Variants in OSTF1 observed in about 807,000 individuals in gnomAD.
OSTF1 encodes osteoclast stimulating factor 1, also known as osteoclast-stimulating factor 1.
Under a neutral mutation model 37.2 loss-of-function variants are expected in OSTF1, and 27 were observed. The ratio of observed to expected loss-of-function variants is 0.73; its 90% CI spans 0.54 to 1.00. The LOEUF is 1.00. Ranked by LOEUF, OSTF1 falls within the 50% of genes least tolerant of loss-of-function variation. The probability of loss-of-function intolerance (pLI) is 0.00; values close to 1 mark genes in which losing one functional copy is unlikely to be tolerated. For synonymous variants in OSTF1, 82 were observed against 89.2 expected (o/e 0.92, Z 0.46); for missense variants, 232 against 253.8 (o/e 0.91, Z 0.58).
chr9:75,124,170 A>G (rs1202123555), intron 2 of OSTF1, among the ~76,000 whole-genome samples: 2 of 152,180 alleles, frequency 1.3e-5, no homozygotes, highest in African/African-American at 4.8e-5. Context: ...GTAGGTGTAT[A>G]TATTCATGGG....
At chr9:75,123,975 G>A (rs891691704) in intron 2 of OSTF1, among the ~76,000 whole-genome samples, 2 of 152,186 alleles carry the variant, frequency 1.3e-5, no homozygotes, top group Non-Finnish European at 2.9e-5. Flanking sequence ...GTGTCGAAGC[G>A]ACTGGCACTT....
chr9:75,145,930 T>G (rs527375211), intron 9 of OSTF1, among the ~76,000 whole-genome samples: 2 of 152,310 alleles, frequency 1.3e-5, no homozygotes, highest in East Asian at 1.9e-4. Context: ...ACCGGTCATA[T>G]GTATAATAAG....
rs150795573 is a variant in OSTF1, at chr9:75,118,703, G to C, written c.81+1153G>C. On this transcript the variant is annotated intron_variant, in intron 2 of 9. Coordinates refer to ENST00000346234, the MANE Select transcript of OSTF1 (RefSeq NM_012383.5). ...GGAAGGCGAAAGGCATGTCTTACAT[G>C]GCAGCAGACAAGAGAGAATGAGAAC... Among the ~76,000 whole-genome samples the C allele has an allele frequency of 3.8e-3, 576 of 152,224 alleles. 21 individuals carry two copies. The highest frequency in any genetic ancestry group is 0.034 in the Admixed American group (523 of 15,288).
At chr9:75,118,218 T>G (rs1378770352) in intron 2 of OSTF1, among the ~76,000 whole-genome samples, 1 of 152,120 alleles carries the variant, frequency 6.6e-6, no homozygotes, top group East Asian at 1.9e-4. Flanking sequence ...AGTGCTGTCT[T>G]CAATAGCATG....
intron 1 of OSTF1, among the ~76,000 whole-genome samples, chr9:75,099,638 G>A (rs917553130): frequency 1.3e-5 from 2 of 152,070 alleles, no homozygotes; most frequent in Non-Finnish European, 2.9e-5. Context: ...GACCAGTCTG[G>A]CCAACATAGT....
intron 1 of OSTF1, among the ~76,000 whole-genome samples, chr9:75,101,417 T>A (rs953814786): frequency 6.6e-6 from 1 of 152,244 alleles, no homozygotes. Flanking sequence ...AGTGAGTAGA[T>A]GATCTTGGAA....
rs1165139844 is a variant in OSTF1, at chr9:75,088,527, G to C, written c.-166G>C. On this transcript the variant is annotated 5_prime_UTR_variant, in exon 1 of 10. Transcript: ENST00000346234. The stretch of plus-strand genomic sequence containing the variant: ...GCGGGGCGGAGCACTCGGCGGAGCC[G>C]CTCTGCCTGCGTCCGCTCTTCCCGC... 4 of 726,924 alleles carry C rather than the reference G, an allele frequency of 5.5e-6. No individual in the cohort carries two copies. The highest frequency in any genetic ancestry group is 2.4e-5 in the Admixed American group (1 of 41,670). 45.0% of individuals were successfully genotyped at this position (726,924 alleles called of 1,614,324 possible).
At chr9:75,103,206 T>G (rs1364371742) in intron 1 of OSTF1, among the ~76,000 whole-genome samples, 3 of 152,126 alleles carry the variant, frequency 2.0e-5, no homozygotes, top group Non-Finnish European at 4.4e-5. Context: ...GGCAGGAGGT[T>G]TAGGAGTTCA....
rs554920091 is a variant in OSTF1 at position 75,137,676 on chromosome 9, C to T, written c.487+60C>T. The T allele has an allele frequency of 1.5e-5, 15 of 1,030,434 alleles. No homozygotes were observed. The East Asian group carries it at 3.3e-4, about 23-fold the overall frequency. 63.8% of individuals were successfully genotyped at this position (1,030,434 alleles called of 1,614,324 possible). A position where few individuals can be genotyped will look rare whatever the true frequency, so the allele number is the denominator to read the frequency against. ...TGCCCTGAAAAATAGTCTATATCAA[C>T]TTACGCCATTTGAAATGGTAGGAAG... On this transcript the variant is annotated intron_variant, in intron 8 of 9. Coordinates refer to ENST00000346234, the MANE Select transcript of OSTF1 (RefSeq NM_012383.5).
intron 7 of OSTF1, among the ~76,000 whole-genome samples, chr9:75,134,648 T>C (rs1564167956): frequency 1.3e-5 from 2 of 152,202 alleles, no homozygotes; most frequent in Non-Finnish European, 2.9e-5. Context: ...CTGACGGAGC[T>C]ATCTCGCCAT....
chr9:75,099,926 T>C (rs183302925), intron 1 of OSTF1, among the ~76,000 whole-genome samples: 3 of 152,330 alleles, frequency 2.0e-5, no homozygotes, highest in Non-Finnish European at 4.4e-5. Flanking sequence ...GGAATAAATT[T>C]TGTTGCTATG....
chr9:75,137,735 T>A, intron 8 of OSTF1, 119 bp downstream of exon 8: 1 of 672,420 alleles, frequency 1.5e-6, no homozygotes, highest in South Asian at 1.8e-5. Flanking sequence ...GGGTTTAACC[T>A]TTGCTCTGCC....
In OSTF1 at chr9:75,114,770, G is replaced by T. The variant is rs535079652; in HGVS notation, c.35-2734G>T. ...GGTTTTGCCATGTTGGCCAGGCTGG[G>T]CTCGAACTCCTGGCCTCAAGCAGTC... On this transcript the variant is annotated intron_variant, in intron 1 of 9. Transcript: ENST00000346234. Among the ~76,000 whole-genome samples the T allele has an allele frequency of 4.7e-4, 71 of 152,046 alleles. 1 individual carries two copies. The South Asian group carries it at 0.013, about 28-fold the overall frequency.
intron 5 of OSTF1, 151 bp from the exon 6 acceptor site, chr9:75,133,143 T>G: frequency 1.8e-6 from 1 of 567,032 alleles, no homozygotes; most frequent in Non-Finnish European, 3.2e-6. Flanking sequence ...AAATGTACCA[T>G]AATAAATGCA....
intron 2 of OSTF1, among the ~76,000 whole-genome samples, chr9:75,117,978 A>G (rs1176281696): frequency 1.3e-5 from 2 of 152,184 alleles, no homozygotes; most frequent in Non-Finnish European, 2.9e-5. Context: ...CCATTGTTGT[A>G]GTTTCCGGTA....
chr9:75,113,938 C>T (rs910557419), intron 1 of OSTF1, among the ~76,000 whole-genome samples: 1 of 152,180 alleles, frequency 6.6e-6, no homozygotes, highest in Non-Finnish European at 1.5e-5. Flanking sequence ...ACCAGCATCC[C>T]CCCAAGTCTC....
In OSTF1 at chr9:75,101,381, A is replaced by G. The variant is rs150177981; in HGVS notation, c.34+12655A>G. ...GAGAGAGGATGCAATTAGGGAAACA[A>G]TTTTCAGTTTAAAGGCTGTTGTCTT... On this transcript the variant is annotated intron_variant, in intron 1 of 9. Transcript: ENST00000346234. Among the ~76,000 whole-genome samples, 447 of 152,276 alleles carry G rather than the reference A, an allele frequency of 2.9e-3. 1 individual carries two copies. Among genetic ancestry groups the G allele is most frequent in the African/African-American group, 0.011 (438 of 41,544 alleles).
At chr9:75,105,079 G>C (rs1825260544) in intron 1 of OSTF1, among the ~76,000 whole-genome samples, 1 of 152,162 alleles carries the variant, frequency 6.6e-6, no homozygotes, top group Non-Finnish European at 1.5e-5. Context: ...TTTAGTTTTG[G>C]ATTAAAGATT....
chr9:75,127,396 A>G (rs959089699), intron 2 of OSTF1, among the ~76,000 whole-genome samples, 173 bp from the exon 3 acceptor site: 4 of 152,164 alleles, frequency 2.6e-5, no homozygotes, highest in Non-Finnish European at 5.9e-5. Flanking sequence ...AAAAAAATCT[A>G]GCCGTCTATT....
Sources: gnomAD v4.1 joint callset for allele counts (sites outside exome capture counted in the v4.1 genomes callset) on GRCh38, gnomAD v4.1.1 for gene constraint, MANE v1.5 for transcripts, NCBI Gene and HGNC (gene_info 2026-07-23, HGNC 2026-07-21) for gene names.